EIF2B5: variants seen among roughly 807,000 people sequenced by gnomAD.
The protein encoded by EIF2B5 is eukaryotic translation initiation factor 2B subunit epsilon.
In EIF2B5, 38 loss-of-function variants were observed where a neutral mutation model predicts 87.3. The ratio of observed to expected loss-of-function variants is 0.44; its 90% CI spans 0.34 to 0.57. The LOEUF (loss-of-function observed/expected upper bound fraction) is 0.57. EIF2B5 is among the 20% of genes least tolerant of loss of function. The pLI is 0.02. For synonymous variants in EIF2B5, 313 were observed against 339.6 expected, an observed-to-expected ratio of 0.92 and a Z score of 0.86; for missense variants, 784 against 909.5, an observed-to-expected ratio of 0.86 and a Z score of 1.78.
chr3:184,143,647 G>A, intron 13 of EIF2B5, 82 bp downstream of exon 13: 14 of 1,601,744 alleles, frequency 8.7e-6, no homozygotes, highest in Non-Finnish European at 1.1e-5. Flanking sequence ...TATATTGGGT[G>A]TATGTCACTT....
At chr3:184,135,637 A>G in intron 1 of EIF2B5, 57 bp downstream of exon 1, 1 of 1,550,432 alleles carries the variant, frequency 6.4e-7, no homozygotes, top group African/African-American at 1.4e-5. Flanking sequence ...GGCTGGAGCA[A>G]GTTCTCATTT....
chr3:184,137,608 C>A lies in EIF2B5; in HGVS notation c.321-12C>A. The stretch of plus-strand genomic sequence containing the variant: ...TTGATACACTCATTCCCCTCACCCT[C>A]CCTTCCTTTAGGAAGTCAAAGTGGT... On this transcript the variant is annotated splice_polypyrimidine_tract_variant and intron_variant, in intron 2 of 15. Transcript: ENST00000648915. 3 of 1,613,624 alleles carry A rather than the reference C, an allele frequency of 1.9e-6. No homozygotes were observed. Among genetic ancestry groups the A allele is most frequent in the Non-Finnish European group, 2.5e-6 (3 of 1,179,568 alleles).
In EIF2B5 at chr3:184,141,968, TC is replaced by T; in HGVS notation, c.1201del (p.Arg401GlufsTer23). The T allele has an allele frequency of 6.2e-7, 1 of 1,614,110 alleles. No individual in the cohort carries two copies. Among genetic ancestry groups the T allele is most frequent in the Non-Finnish European group, 8.5e-7 (1 of 1,180,018 alleles). On this transcript the variant is annotated frameshift_variant, in exon 8 of 16. Transcript: ENST00000648915. LOFTEE classifies it high-confidence loss of function. ...ACCAGACCTACCTGTGGCAGGGTGT[TC>T]GAGTGGCGGCTGGAGCACAGATCCA... ...LDQTYLWQGVRVAAGAQIHQS... is the reference protein window; with the variant it reads ...LDQTYLWQGVXVAAGAQIHQS...
Position 184,142,486 on chromosome 3 carries a change from T to A in EIF2B5, c.1445-16T>A. On this transcript the variant is annotated splice_polypyrimidine_tract_variant and intron_variant, in intron 9 of 15. Transcript: ENST00000648915. The surrounding 1 kb of genome is among the most constrained non-coding windows in gnomAD (Gnocchi z 5.0). ...GCTTCCGCCGGGCCCTCTCTATAGA[T>A]CATTGCCTTTTCCAGGTTACAATCC... The A allele has an allele frequency of 6.2e-7, 1 of 1,614,098 alleles. No homozygotes were observed. The highest frequency in any genetic ancestry group is 8.5e-7 in the Non-Finnish European group (1 of 1,180,018).
intron 5 of EIF2B5, among the ~76,000 whole-genome samples, chr3:184,139,116 C>T (rs188795995): frequency 1.3e-3 from 195 of 151,784 alleles, no homozygotes; most frequent in African/African-American, 4.3e-3. Context: ...ACTACAGGTA[C>T]GCACCACCAC....
intron 7 of EIF2B5, 107 bp downstream of exon 7, chr3:184,140,837 A>G (rs1713601754): frequency 7.7e-7 from 1 of 1,292,040 alleles, no homozygotes; most frequent in South Asian, 1.2e-5. Flanking sequence ...GTCCCTGGGA[A>G]TAAGGAACTA....
intron 7 of EIF2B5, among the ~76,000 whole-genome samples, chr3:184,141,273 G>A (rs1376563786): frequency 2.0e-5 from 3 of 152,110 alleles, no homozygotes; most frequent in Non-Finnish European, 2.9e-5. Flanking sequence ...CAACAGTAAG[G>A]CTCAGATTCT....
At chr3:184,144,415 T>C (rs1713772712) in intron 14 of EIF2B5, among the ~76,000 whole-genome samples, 182 bp from the exon 15 acceptor site, 1 of 152,114 alleles carries the variant, frequency 6.6e-6, no homozygotes. Flanking sequence ...GGTCTGGAAA[T>C]GTGCAAAGCT....
In EIF2B5 at chr3:184,137,601, T is replaced by C; in HGVS notation, c.321-19T>C. On this transcript the variant is annotated intron_variant, in intron 2 of 15. Transcript: ENST00000648915. ...TTTATGCTTGATACACTCATTCCCCTCACCCTCCCTTCCTTTAGGAAGTCA... is the reference window on the plus strand; with the variant it reads ...TTTATGCTTGATACACTCATTCCCCCCACCCTCCCTTCCTTTAGGAAGTCA... 6.2e-7 allele frequency: 1 copy of C among 1,612,842 alleles called. No homozygotes were observed. The highest frequency in any genetic ancestry group is 1.1e-5 in the South Asian group (1 of 91,052).
chr3:184,143,719 A>T, intron 13 of EIF2B5, 154 bp downstream of exon 13: 1 of 1,148,416 alleles, frequency 8.7e-7, no homozygotes, highest in Non-Finnish European at 1.3e-6. Flanking sequence ...TGGCTGGTTC[A>T]GAGGGGTCAG....
chr3:184,140,305 A>G (rs1039772808), intron 6 of EIF2B5, 113 bp from the exon 7 acceptor site: 7 of 1,400,964 alleles, frequency 5.0e-6, no homozygotes, highest in Non-Finnish European at 7.1e-6. Flanking sequence ...ACAAAGAAGA[A>G]TCTTTGTGGC....
chr3:184,138,017 C>T lies in EIF2B5; in HGVS notation c.626C>T (p.Thr209Ile). 1 of 1,614,210 alleles carries T rather than the reference C, an allele frequency of 6.2e-7. No homozygotes were observed. The highest frequency in any genetic ancestry group is 1.6e-4 in the Middle Eastern group (1 of 6,062). Residue 209 changes from threonine (T) to isoleucine (I), a missense_variant, in exon 4 of 16, where the codon ACA becomes ATA. Physicochemically the swap from Thr to Ile is moderately conservative, Grantham distance 89. Coordinates refer to ENST00000648915, the MANE Select transcript of EIF2B5 (RefSeq NM_003907.3). The part of the protein sequence containing the change: ...DNVVVAVDST[T>I]NRVLHFQKTQ... ...GTGGTAGTGGCTGTGGATAGTACCA[C>T]AAACAGGGTTCTCCATTTTCAGAAG...
chr3:184,140,518 G>A lies in EIF2B5; in HGVS notation c.944G>A (p.Arg315His), dbSNP rs113994064. ...MYSAVCADVI[R>H]RWVYPLTPEA... ...TCAGCTGTCTGTGCTGACGTCATCC[G>A]CCGATGGGTCTACCCTCTCACCCCA... The change falls in exon 7 of 16, where the codon CGC becomes CAC. Residue 315 changes from arginine to histidine, a missense_variant. Arg to His is a conservative substitution (Grantham distance 29). Transcript: ENST00000648915. The A allele has an allele frequency of 2.2e-5, 36 of 1,613,964 alleles. No homozygotes were observed. The highest frequency in any genetic ancestry group is 2.7e-5 in the African/African-American group (2 of 74,858).
chr3:184,141,952 A>G lies in EIF2B5; in HGVS notation c.1184A>G (p.Tyr395Cys). Residue 395 changes from tyrosine (Y) to cysteine (C), a missense_variant, in exon 8 of 16, where the codon TAC becomes TGC. This residue lies in a region of EIF2B5 where 660 missense variants were observed against 789.5 expected (regional missense o/e 0.84). Coordinates refer to ENST00000648915, the MANE Select transcript of EIF2B5 (RefSeq NM_003907.3). ...GATAACGTGGTGCTGGACCAGACCT[A>G]CCTGTGGCAGGGTGTTCGAGTGGCG... Reference protein sequence around the residue: ...IGDNVVLDQTYLWQGVRVAAG... With the variant: ...IGDNVVLDQTCLWQGVRVAAG... 6.2e-7 allele frequency: 1 copy of G among 1,614,068 alleles called. No individual in the cohort carries two copies. Among genetic ancestry groups the G allele is most frequent in the Non-Finnish European group, 8.5e-7 (1 of 1,180,024 alleles).
chr3:184,140,717 C>T lies in EIF2B5; in HGVS notation c.1143C>T (p.Pro381=), dbSNP rs748745866. 2.9e-5 allele frequency: 47 copies of T among 1,614,054 alleles called. No homozygotes were observed. The highest frequency in any genetic ancestry group is 3.3e-5 in the Admixed American group (2 of 60,010). The part of the protein sequence containing the change: ...NCFITNSVIG[P]GCHIGDNVVL... ...TTATCACCAACAGTGTCATTGGCCCCGGCTGCCACATTGGTGAGCACAGGT... is the reference window on the plus strand; with the variant it reads ...TTATCACCAACAGTGTCATTGGCCCTGGCTGCCACATTGGTGAGCACAGGT... The change falls in exon 7 of 16, where the codon CCC becomes CCT. Residue 381 remains proline (P), a synonymous_variant. Coordinates refer to ENST00000648915, the MANE Select transcript of EIF2B5 (RefSeq NM_003907.3).
rs747548401 is a variant in EIF2B5, at chr3:184,142,806, G to A, written c.1574G>A (p.Ser525Asn). The A allele has an allele frequency of 3.1e-6, 5 of 1,614,092 alleles. No individual in the cohort carries two copies. In the South Asian group the frequency reaches 3.3e-5, roughly 11 times the overall value. The change falls in exon 11 of 16, where the codon AGT (serine) becomes AAT (asparagine). Residue 525 changes from serine (S) to asparagine (N), a missense_variant. Physicochemically the swap from Ser to Asn is conservative, Grantham distance 46. This residue lies in a region of EIF2B5 where 660 missense variants were observed against 789.5 expected (regional missense o/e 0.84). Coordinates refer to ENST00000648915, the MANE Select transcript of EIF2B5 (RefSeq NM_003907.3). This position sits in a 1 kb window ranked among gnomAD's most constrained non-coding sequence, Gnocchi z 5.0. ...CTCAAGATCAACATGGAAGAAGAGA[G>A]TGAAAGTGAAAGTGAGCAAAGTATG... ...WGLKINMEEE[S>N]ESESEQSMDS...
chr3:184,138,974 GTTA>G, intron 5 of EIF2B5: 1 of 235,516 alleles, frequency 4.2e-6, no homozygotes, highest in South Asian at 3.5e-5. Flanking sequence ...TGTTGTTGTT[GTTA>G]TTGTTGTTTT....
Position 184,137,610 on chromosome 3 carries a change from C to A in EIF2B5, c.321-10C>A, listed in dbSNP as rs776949525. On this transcript the variant is annotated splice_polypyrimidine_tract_variant and intron_variant, in intron 2 of 15. Transcript: ENST00000648915. ...GATACACTCATTCCCCTCACCCTCC[C>A]TTCCTTTAGGAAGTCAAAGTGGTGC... 6.2e-7 allele frequency: 1 copy of A among 1,613,702 alleles called. No homozygotes were observed. The highest frequency in any genetic ancestry group is 2.2e-5 in the East Asian group (1 of 44,900).
Position 184,142,507 on chromosome 3 carries a change from A to G in EIF2B5, c.1450A>G (p.Asn484Asp). ...TAGATCATTGCCTTTTCCAGGTTAC[A>G]ATCCAGCAGAAGTAGGAGCTGCTGG... The part of the protein sequence containing the change: ...EKDKVKMKGY[N>D]PAEVGAAGKG... The change falls in exon 10 of 16, where the codon AAT becomes GAT. Residue 484 changes from asparagine to aspartate, a missense_variant. By Grantham distance (23) the Asn-to-Asp change is conservative (BLOSUM62 1). Around this residue, in one of 3 missense-constraint regions of EIF2B5, gnomAD observed 660 missense variants for 789.5 expected, o/e 0.84. Coordinates refer to ENST00000648915, the MANE Select transcript of EIF2B5 (RefSeq NM_003907.3). This position sits in a 1 kb window ranked among gnomAD's most constrained non-coding sequence, Gnocchi z 5.0. 1 of 1,614,114 alleles carries G rather than the reference A, an allele frequency of 6.2e-7. No individual in the cohort carries two copies. The highest frequency in any genetic ancestry group is 8.5e-7 in the Non-Finnish European group (1 of 1,180,018).
Sources: gnomAD v4.1 joint callset for allele counts (sites outside exome capture counted in the v4.1 genomes callset) on GRCh38, gnomAD v4.1.1 for gene constraint, gnomAD v4.1.1 regional missense constraint, Gnocchi (gnomAD v3.1) non-coding constraint, MANE v1.5 for transcripts, NCBI Gene and HGNC (gene_info 2026-07-23, HGNC 2026-07-21) for gene names.